PDE4D: variants seen among roughly 807,000 people sequenced by gnomAD.
PDE4D encodes the protein 3',5'-cyclic-AMP phosphodiesterase 4D.
A neutral mutation model predicts 87.4 loss-of-function variants in PDE4D; 24 were observed. The observed-to-expected ratio is 0.27, with a 90% confidence interval of 0.20 to 0.39. The LOEUF is 0.39. PDE4D is among the 10% of genes least tolerant of loss of function. The probability of loss-of-function intolerance (pLI) is 1.00; values close to 1 mark genes in which losing one functional copy is unlikely to be tolerated. For missense variants in PDE4D, 714 were observed against 1,041.0 expected, an observed-to-expected ratio of 0.69 and a Z score of 4.32; for synonymous variants, 384 against 383.2, an observed-to-expected ratio of 1.00 and a Z score of -0.02.
chr5:60,076,200 C>A (rs748491824), intron 2 of PDE4D, among the ~76,000 whole-genome samples: 4 of 151,792 alleles, frequency 2.6e-5, no homozygotes, highest in Non-Finnish European at 5.9e-5. Context: ...GCTCTGTTGC[C>A]CAGTCTGGAG....
At chr5:59,153,998 T>C (rs942006293) in intron 5 of PDE4D, among the ~76,000 whole-genome samples, 4 of 152,088 alleles carry the variant, frequency 2.6e-5, no homozygotes, top group Non-Finnish European at 4.4e-5. Context: ...TTGTGAAACA[T>C]GGTGCACGTG....
intron 1 of PDE4D, among the ~76,000 whole-genome samples, chr5:59,720,036 CTA>C (rs1392357400): frequency 1.3e-5 from 2 of 152,184 alleles, no homozygotes; most frequent in African/African-American, 4.8e-5. Context: ...TCTGTAAATG[CTA>C]TGTTTATTCT....
intron 5 of PDE4D, among the ~76,000 whole-genome samples, chr5:59,061,035 A>G (rs1438923816): frequency 6.6e-6 from 1 of 152,120 alleles, no homozygotes; most frequent in African/African-American, 2.4e-5. Flanking sequence ...GGATGTTCAT[A>G]TATTTATTGG....
chr5:59,653,930 G>A (rs1471362047), intron 1 of PDE4D, among the ~76,000 whole-genome samples: 1 of 151,586 alleles, frequency 6.6e-6, no homozygotes, highest in Non-Finnish European at 1.5e-5. Flanking sequence ...GGGAGGCCAG[G>A]TGTGGTGGCT....
chr5:59,988,649 A>T (rs375381610), exon 3 of PDE4D: 157 of 1,599,302 alleles, frequency 9.8e-5, no homozygotes, highest in Non-Finnish European at 1.3e-4. Context: ...GTCTCCGGAC[A>T]AGATAGGGTT....
chr5:60,422,674 G>A (rs1743238666), intron 1 of PDE4D, among the ~76,000 whole-genome samples: 3 of 152,118 alleles, frequency 2.0e-5, no homozygotes, highest in Non-Finnish European at 4.4e-5. Flanking sequence ...ATAATGACAG[G>A]ATCAAATTCA....
chr5:59,486,800 A>G (rs1284055728), intron 1 of PDE4D, among the ~76,000 whole-genome samples: 2 of 152,216 alleles, frequency 1.3e-5, no homozygotes, highest in Middle Eastern at 6.3e-3. Flanking sequence ...TGCATTAAAT[A>G]TACAATGCCC....
chr5:59,561,282 T>C (rs1819935102), intron 1 of PDE4D, among the ~76,000 whole-genome samples: 1 of 152,144 alleles, frequency 6.6e-6, no homozygotes, highest in African/African-American at 2.4e-5. Context: ...GGGTCGTCCG[T>C]TATTGGAGTA....
chr5:59,874,147 G>C (rs896243165), intron 1 of PDE4D, among the ~76,000 whole-genome samples: 1 of 152,130 alleles, frequency 6.6e-6, no homozygotes, highest in African/African-American at 2.4e-5. Context: ...AAGTAGCAGT[G>C]AGCCATAATC....
chr5:60,463,182 C>G (rs1290923276), intron 1 of PDE4D, among the ~76,000 whole-genome samples: 1 of 152,072 alleles, frequency 6.6e-6, no homozygotes, highest in Non-Finnish European at 1.5e-5. Flanking sequence ...TGCACTGAGC[C>G]TATGCATACA....
chr5:59,973,619 A>G lies in PDE4D; in HGVS notation c.272+14869T>C, dbSNP rs16890403. On this transcript the variant is annotated intron_variant, in intron 3 of 16. Transcript: ENST00000502484. ...CAGAACATACCAGAATTTATAAGCC[A>G]AAATAAGAAGATATGAGTCTTGGTC... Among the ~76,000 whole-genome samples, 1,253 of 152,282 alleles carry G rather than the reference A, an allele frequency of 8.2e-3. 16 individuals carry two copies. The highest frequency in any genetic ancestry group is 0.029 in the African/African-American group (1,192 of 41,568).
chr5:59,178,336 CA>C (rs1239412582), intron 5 of PDE4D, among the ~76,000 whole-genome samples: 3 of 152,140 alleles, frequency 2.0e-5, no homozygotes, highest in Non-Finnish European at 2.9e-5. Flanking sequence ...GTGGTAACAA[CA>C]GTTAATTAGT....
At chr5:60,169,892 T>C (rs1271684728) in intron 2 of PDE4D, among the ~76,000 whole-genome samples, 46 of 152,070 alleles carry the variant, frequency 3.0e-4, no homozygotes. Flanking sequence ...TATATCATTT[T>C]ACTTTTTGTG....
chr5:60,108,783 G>A (rs1456345058), intron 2 of PDE4D, among the ~76,000 whole-genome samples: 4 of 152,238 alleles, frequency 2.6e-5, no homozygotes, highest in East Asian at 1.9e-4. Context: ...TTAATAAATG[G>A]TGCTGGGAAA....
rs112200987 is a variant in PDE4D, at chr5:58,975,886, T to TAA, written c.1831-49_1831-48dup. 60,646 of 1,032,918 alleles carry TAA rather than the reference T, an allele frequency of 0.059. 189 individuals are homozygous for TAA. The highest frequency in any genetic ancestry group is 0.078 in the Middle Eastern group (330 of 4,220). 64.0% of individuals were successfully genotyped at this position (1,032,918 alleles called of 1,614,324 possible). On this transcript the variant is annotated intron_variant, in intron 13 of 14. Transcript: ENST00000340635. This position sits in a 1 kb window ranked among gnomAD's most constrained non-coding sequence, Gnocchi z 4.2. ...TCTATTCACTCCTGTTCCTTTTTTTTAAAAAAAAAAACAAAAAAAACTAGA... is the reference window on the plus strand; with the variant it reads ...TCTATTCACTCCTGTTCCTTTTTTTTAAAAAAAAAAAAACAAAAAAAACTAGA...
intron 1 of PDE4D, among the ~76,000 whole-genome samples, chr5:60,452,767 T>G (rs533885431): frequency 6.6e-6 from 1 of 152,190 alleles, no homozygotes; most frequent in South Asian, 2.1e-4. Context: ...TAAACAGATC[T>G]GAGACAATAA....
intron 3 of PDE4D, among the ~76,000 whole-genome samples, chr5:59,914,561 T>C (rs1165083241): frequency 1.5e-5 from 2 of 130,680 alleles, no homozygotes; most frequent in Non-Finnish European, 3.3e-5. Context: ...TGTGTGTGTG[T>C]GTGCATGTGC....
chr5:60,036,906 AGAGG>A (rs1767872951), intron 2 of PDE4D, among the ~76,000 whole-genome samples: 1 of 152,220 alleles, frequency 6.6e-6, no homozygotes, highest in African/African-American at 2.4e-5. Flanking sequence ...GGAAAGGGGT[AGAGG>A]GAGGAAAAAC....
chr5:59,892,793 A>G (rs1751150813), intron 1 of PDE4D, among the ~76,000 whole-genome samples: 1 of 151,908 alleles, frequency 6.6e-6, no homozygotes. Flanking sequence ...TTCTCCACCC[A>G]GAGCAAACTG....
Sources: gnomAD v4.1 joint callset for allele counts (sites outside exome capture counted in the v4.1 genomes callset) on GRCh38, gnomAD v4.1.1 for gene constraint, Gnocchi (gnomAD v3.1) non-coding constraint, MANE v1.5 for transcripts, NCBI Gene and HGNC (gene_info 2026-07-23, HGNC 2026-07-21) for gene names.